Variants in SHISA7 observed in about 807,000 individuals in gnomAD.
SHISA7 encodes the protein protein shisa-7.
Under a neutral mutation model 23.9 loss-of-function variants are expected in SHISA7, and 6 were observed. The observed-to-expected ratio is 0.25, with a 90% CI of 0.14 to 0.50. The LOEUF is 0.50. Among genes scored for constraint, SHISA7 ranks in the 20% least tolerant of loss-of-function variants. SHISA7 has a pLI of 0.98. For synonymous variants in SHISA7, 386 were observed against 398.3 expected (o/e 0.97, Z 0.37); for missense variants, 671 against 801.1 (o/e 0.84, Z 1.96).
intron 2 of SHISA7, 93 bp downstream of exon 2, chr19:55,440,518 C>A: frequency 1.7e-6 from 2 of 1,173,692 alleles, no homozygotes; most frequent in Non-Finnish European, 2.2e-6. Context: ...GGGTCCTGGG[C>A]GATGGGGGTG....
Position 55,442,972 on chromosome 19 carries a change from G to T in SHISA7, c.-109C>A. 4.2e-6 allele frequency: 2 copies of T among 480,416 alleles called. No homozygotes were observed. The highest frequency in any genetic ancestry group is 2.1e-5 in the African/African-American group (1 of 46,716). 29.8% of individuals were successfully genotyped at this position (480,416 alleles called of 1,614,324 possible). A position where few individuals can be genotyped will look rare whatever the true frequency, so the allele number is the denominator to read the frequency against. On this transcript the variant is annotated 5_prime_UTR_variant, in exon 1 of 4. Coordinates refer to ENST00000376325, the MANE Select transcript of SHISA7 (RefSeq NM_001145176.2). ...GTCAGAGGGTGAGAAACGTAGAGAT[G>T]GGTGGGCAGAGAGGCTGGGGAGGGC...
chr19:55,433,574 A>C lies in SHISA7; in HGVS notation c.1199T>G (p.Phe400Cys). Residue 400 changes from phenylalanine (F) to cysteine (C), a missense_variant, in exon 4 of 4, where the codon TTC becomes TGC. This residue lies in a region of SHISA7 where 457 missense variants were observed against 488.3 expected (regional missense o/e 0.94). Coordinates refer to ENST00000376325, the MANE Select transcript of SHISA7 (RefSeq NM_001145176.2). This position sits in a 1 kb window ranked among gnomAD's most constrained non-coding sequence, Gnocchi z 8.4. The part of the protein sequence containing the change: ...LGDGGRSRYE[F>C]TLPRARLVSQ... Reference sequence around the variant, plus strand: ...CACCAGGCGCGCGCGCGGCAGCGTGAACTCGTAGCGCGAACGGCCACCATC... The same window carrying C: ...CACCAGGCGCGCGCGCGGCAGCGTGCACTCGTAGCGCGAACGGCCACCATC... 1 of 1,497,480 alleles carries C rather than the reference A, an allele frequency of 6.7e-7. No homozygotes were observed. The highest frequency in any genetic ancestry group is 1.2e-5 in the South Asian group (1 of 80,240). 92.8% of individuals were successfully genotyped at this position (1,497,480 alleles called of 1,614,324 possible).
intron 3 of SHISA7, among the ~76,000 whole-genome samples, chr19:55,434,837 T>TA (rs1985367008): frequency 1.0e-5 from 1 of 97,480 alleles, no homozygotes; most frequent in East Asian, 3.5e-4. Flanking sequence ...GTGTGGTGTG[T>TA]GGTGTGTGTG....
In SHISA7 at chr19:55,433,362, G is replaced by A; in HGVS notation, c.1411C>T (p.Pro471Ser). The A allele has an allele frequency of 7.4e-7, 1 of 1,354,028 alleles. No individual in the cohort carries two copies. Among genetic ancestry groups the A allele is most frequent in the Non-Finnish European group, 9.4e-7 (1 of 1,062,760 alleles). 83.9% of individuals were successfully genotyped at this position (1,354,028 alleles called of 1,614,324 possible). The part of the protein sequence containing the change: ...PPTPLRGLPP[P>S]SSLHAHHHHA... ...TGGTGGTGGGCGTGCAGGCTGGACG[G>A]TGGCGGCAGCCCGCGCAGCGGTGTT... is the stretch of plus-strand genomic sequence containing the variant. The change falls in exon 4 of 4, where the codon CCG becomes TCG. Residue 471 changes from proline (P) to serine (S), a missense_variant. By Grantham distance (74) the Pro-to-Ser change is moderately conservative. Around this residue, in one of 5 missense-constraint regions of SHISA7, gnomAD observed 457 missense variants for 488.3 expected, o/e 0.94. Transcript: ENST00000376325. The surrounding 1 kb of genome is among the most constrained non-coding windows in gnomAD (Gnocchi z 8.4).
intron 3 of SHISA7, among the ~76,000 whole-genome samples, chr19:55,434,496 T>C (rs1225760557): frequency 1.6e-5 from 2 of 124,954 alleles, no homozygotes; most frequent in African/African-American, 3.2e-5. Context: ...GTGGTGTATA[T>C]GTGGTGTGTA....
intron 2 of SHISA7, chr19:55,438,752 TC>T: frequency 1.6e-6 from 1 of 622,324 alleles, no homozygotes; most frequent in Non-Finnish European, 2.6e-6. Context: ...TCGTTAGAGC[TC>T]CACAGATCAA....
Position 55,434,008 on chromosome 19 carries a change from G to A in SHISA7, c.977-212C>T, listed in dbSNP as rs73606262. Among the ~76,000 whole-genome samples, 6 of 151,290 alleles carry A rather than the reference G, an allele frequency of 4.0e-5. 1 individual carries two copies. Among genetic ancestry groups the A allele is most frequent in the South Asian group, 4.2e-4 (2 of 4,814 alleles). ...GGAGGACTTCCTCTTCTTCCCCCCC[G>A]CGCCGCCTATCCCTTCTTTTGGGAG... On this transcript the variant is annotated intron_variant, in intron 3 of 3. Transcript: ENST00000376325.
In SHISA7 at chr19:55,442,699, G is replaced by A. The variant is rs1406911685; in HGVS notation, c.165C>T (p.Ser55=). The A allele has an allele frequency of 2.0e-6, 2 of 1,025,530 alleles. No individual in the cohort carries two copies. The highest frequency in any genetic ancestry group is 2.3e-6 in the Non-Finnish European group (2 of 858,266). The allele number at this position is 1,025,530 out of a possible 1,614,324, so 63.5% of individuals were successfully genotyped here. The part of the protein sequence containing the change: ...GALTGGGGAA[S]PGANGTRTGP... ...CGGTCCTGGTGCCGTTGGCGCCTGG[G>A]CTCGCCGCGCCCCCGCCGCCCGTCA... Residue 55 remains serine (S), a synonymous_variant, in exon 1 of 4, where the codon AGC becomes AGT. Transcript: ENST00000376325.
intron 1 of SHISA7, among the ~76,000 whole-genome samples, chr19:55,441,606 G>T (rs147245782): frequency 2.3e-3 from 344 of 152,254 alleles, no homozygotes; most frequent in East Asian, 6.8e-3. Context: ...CTAATCCAGC[G>T]CCCTCTCTCT....
In SHISA7 at chr19:55,433,279, C is replaced by T. The variant is rs887981264; in HGVS notation, c.1494G>A (p.Gly498=). The T allele has an allele frequency of 1.3e-6, 2 of 1,507,930 alleles. No homozygotes were observed. The highest frequency in any genetic ancestry group is 2.9e-5 in the African/African-American group (2 of 69,120). 93.4% of individuals were successfully genotyped at this position (1,507,930 alleles called of 1,614,324 possible). A position where few individuals can be genotyped will look rare whatever the true frequency, so the allele number is the denominator to read the frequency against. Residue 498 remains glycine (G), a synonymous_variant, in exon 4 of 4, where the codon GGG becomes GGA. Transcript: ENST00000376325. This position sits in a 1 kb window ranked among gnomAD's most constrained non-coding sequence, Gnocchi z 8.4. ...AGGGCGGCCTGCGGGCCAGTGTGCCCCCGCCCCCGCCGGCGTCGGACATCC... is the reference window on the plus strand; with the variant it reads ...AGGGCGGCCTGCGGGCCAGTGTGCCTCCGCCCCCGCCGGCGTCGGACATCC... ...PAWMSDAGGG[G]GTLARRPPFQ...
intron 2 of SHISA7, among the ~76,000 whole-genome samples, chr19:55,438,389 A>G (rs1327493530): frequency 6.6e-6 from 1 of 152,194 alleles, no homozygotes; most frequent in African/African-American, 2.4e-5. Context: ...TTTGGCATCC[A>G]CACGAGGAAA....
intron 3 of SHISA7, among the ~76,000 whole-genome samples, chr19:55,437,239 C>G (rs1240497810): frequency 6.6e-6 from 1 of 152,190 alleles, no homozygotes; most frequent in South Asian, 2.1e-4. Context: ...GCGTAGAGAG[C>G]TAAGAGACAG....
Position 55,440,615 on chromosome 19 carries a change from G to T in SHISA7, c.822C>A (p.Asn274Lys), listed in dbSNP as rs1985576142. 1 of 1,249,774 alleles carries T rather than the reference G, an allele frequency of 8.0e-7. No individual in the cohort carries two copies. The highest frequency in any genetic ancestry group is 4.1e-5 in the South Asian group (1 of 24,430). The allele number at this position is 1,249,774 out of a possible 1,614,324, so 77.4% of individuals were successfully genotyped here. ...KNLYNTVKTP[N>K]LDWRALPPPS... ...CGGATCCCACGTTCCACTCACCGAGGTTGGGGGTCTTCACGGTGTTGTAGA... is the reference window on the plus strand; with the variant it reads ...CGGATCCCACGTTCCACTCACCGAGTTTGGGGGTCTTCACGGTGTTGTAGA... The change falls in exon 2 of 4, where the codon AAC (asparagine) becomes AAA (lysine). Residue 274 changes from asparagine to lysine, a missense_variant. Physicochemically the swap from Asn to Lys is moderately conservative, Grantham distance 94 (BLOSUM62 0). This residue lies in a region of SHISA7 where 457 missense variants were observed against 488.3 expected (regional missense o/e 0.94). Transcript: ENST00000376325.
At chr19:55,434,963 G>A in intron 3 of SHISA7, among the ~76,000 whole-genome samples, 1 of 133,016 alleles carries the variant, frequency 7.5e-6, no homozygotes, top group Admixed American at 7.5e-5. Flanking sequence ...GTGTGTGGGT[G>A]TGTGTGGTGT....
rs1410208260 is a variant in SHISA7 at position 55,439,233 on chromosome 19, G to A, written c.826+1378C>T. On this transcript the variant is annotated intron_variant, in intron 2 of 3. Coordinates refer to ENST00000376325, the MANE Select transcript of SHISA7 (RefSeq NM_001145176.2). ...CACTGCTCTCTCCAGTGAGCCCAGC[G>A]TGGTCCTGCCACAGGGCCTTTGCAC... Among the ~76,000 whole-genome samples the A allele has an allele frequency of 4.6e-5, 7 of 152,300 alleles. No homozygotes were observed. The South Asian group carries it at 6.2e-4, about 14-fold the overall frequency.
At chr19:55,435,425 T>TGA (rs1366767716) in intron 3 of SHISA7, among the ~76,000 whole-genome samples, 3 of 135,938 alleles carry the variant, frequency 2.2e-5, no homozygotes, top group East Asian at 4.4e-4. Context: ...TGTGTGTGTG[T>TGA]GATTGAAATA....
In SHISA7 at chr19:55,433,391, G is replaced by C; in HGVS notation, c.1382C>G (p.Pro461Arg). ...HSNLLLGPGGPPTPLRGLPPP... is the reference protein window; with the variant it reads ...HSNLLLGPGGRPTPLRGLPPP... ...CGGCAGCCCGCGCAGCGGTGTTGGG[G>C]GCCCCCCGGGCCCCAGCAGCAGGTT... is the stretch of plus-strand genomic sequence containing the variant. The change falls in exon 4 of 4, where the codon CCC becomes CGC. Residue 461 changes from proline (P) to arginine (R), a missense_variant. By Grantham distance (103) the Pro-to-Arg change is moderately radical. Around this residue, in one of 5 missense-constraint regions of SHISA7, gnomAD observed 457 missense variants for 488.3 expected, o/e 0.94. Coordinates refer to ENST00000376325, the MANE Select transcript of SHISA7 (RefSeq NM_001145176.2). The surrounding 1 kb of genome is among the most constrained non-coding windows in gnomAD (Gnocchi z 8.4). The C allele has an allele frequency of 7.5e-7, 1 of 1,327,566 alleles. No individual in the cohort carries two copies. Among genetic ancestry groups the C allele is most frequent in the Non-Finnish European group, 9.5e-7 (1 of 1,047,502 alleles). The allele number at this position is 1,327,566 out of a possible 1,614,324, so 82.2% of individuals were successfully genotyped here. A position where few individuals can be genotyped will look rare whatever the true frequency, so the allele number is the denominator to read the frequency against.
rs1232376630 is a variant in SHISA7 at position 55,431,099 on chromosome 19, A to G, written c.*2057T>C. The stretch of plus-strand genomic sequence containing the variant: ...GCTCTCGTGGATCCTGGCAGGTGAT[A>G]ACACCATAGTTGAAGTGGATACTGG... On this transcript the variant is annotated 3_prime_UTR_variant, in exon 4 of 4. Transcript: ENST00000376325. The G allele has an allele frequency of 6.6e-6, 1 of 152,074 alleles. No individual in the cohort carries two copies. The highest frequency in any genetic ancestry group is 1.5e-5 in the Non-Finnish European group (1 of 68,048). 9.4% of individuals were successfully genotyped at this position (152,074 alleles called of 1,614,324 possible).
At position 55,429,692 on chromosome 19, in the gene SHISA7, C is replaced by G. The variant is rs979958390; in HGVS notation, c.*3464G>C. 2 of 152,096 alleles carry G rather than the reference C, an allele frequency of 1.3e-5. No individual in the cohort carries two copies. The highest frequency in any genetic ancestry group is 4.8e-5 in the African/African-American group (2 of 41,368). 9.4% of individuals were successfully genotyped at this position (152,096 alleles called of 1,614,324 possible). A position where few individuals can be genotyped will look rare whatever the true frequency, so the allele number is the denominator to read the frequency against. ...AGCCCTTTAAGAGTGGGGGAATGGC[C>G]GCCCCCGCAACATGGCTATGTACAA... On this transcript the variant is annotated 3_prime_UTR_variant, in exon 4 of 4. Transcript: ENST00000376325.
Sources: allele counts gnomAD v4.1 joint callset (sites outside exome capture counted in the v4.1 genomes callset), GRCh38; gene constraint gnomAD v4.1.1; regional missense constraint gnomAD v4.1.1; non-coding constraint Gnocchi (gnomAD v3.1); transcripts MANE v1.5; gene names NCBI Gene and HGNC (gene_info 2026-07-23, HGNC 2026-07-21).